Variants in HINT2 observed in about 807,000 individuals in gnomAD.
HINT2 encodes adenosine 5'-monophosphoramidase HINT2.
A neutral mutation model predicts 20.0 loss-of-function variants in HINT2; 17 were observed. The observed-to-expected ratio is 0.85, with a 90% CI of 0.58 to 1.27. The LOEUF (loss-of-function observed/expected upper bound fraction) is 1.27. Among genes scored for constraint, HINT2 ranks in the 50% most tolerant of loss-of-function variants. The pLI is 0.00. For synonymous variants in HINT2, 96 were observed against 84.2 expected (o/e 1.14, Z -0.77); for missense variants, 217 against 211.9 (o/e 1.02, Z -0.15).
At position 35,813,800 on chromosome 9, in the gene HINT2, C is replaced by T. The variant is rs781538171; in HGVS notation, c.82-16G>A. 1.2e-6 allele frequency: 2 copies of T among 1,603,524 alleles called. No homozygotes were observed. The highest frequency in any genetic ancestry group is 1.7e-6 in the Non-Finnish European group (2 of 1,173,506). ...CTCCTCGGACCTGAAGGTGGATCGACCATATTCAAAGGAGGGAGCTGGCAG... is the reference window on the plus strand; with the variant it reads ...CTCCTCGGACCTGAAGGTGGATCGATCATATTCAAAGGAGGGAGCTGGCAG... On this transcript the variant is annotated splice_polypyrimidine_tract_variant and intron_variant, in intron 1 of 4. Coordinates refer to ENST00000259667, the MANE Select transcript of HINT2 (RefSeq NM_032593.3).
intron 1 of HINT2, 89 bp from the exon 2 acceptor site, chr9:35,813,873 C>A: frequency 7.1e-7 from 1 of 1,413,212 alleles, no homozygotes; most frequent in South Asian, 1.4e-5. Flanking sequence ...ATAACCTATT[C>A]ATCGTTCCCA....
intron 2 of HINT2, 29 bp from the exon 3 acceptor site, chr9:35,813,578 G>A (rs202090966): frequency 1.7e-4 from 269 of 1,614,014 alleles, no homozygotes; most frequent in Middle Eastern, 1.2e-3. Flanking sequence ...CAGAGGCCAC[G>A]TTACTTCAAC....
rs931225472 is a variant in HINT2, at chr9:35,815,007, C to T, written c.-28G>A. ...TCCCTGAGCCGCGGGAACCTCTCAC[C>T]CGGGTCAGCACTCGGCTCCGCGGCC... On this transcript the variant is annotated 5_prime_UTR_variant, in exon 1 of 5. Coordinates refer to ENST00000259667, the MANE Select transcript of HINT2 (RefSeq NM_032593.3). 7.0e-6 allele frequency: 10 copies of T among 1,432,340 alleles called. No individual in the cohort carries two copies. The highest frequency in any genetic ancestry group is 9.1e-6 in the Non-Finnish European group (10 of 1,099,280). The allele number at this position is 1,432,340 out of a possible 1,614,324, so 88.7% of individuals were successfully genotyped here. A position where few individuals can be genotyped will look rare whatever the true frequency, so the allele number is the denominator to read the frequency against.
Position 35,813,758 on chromosome 9 carries a change from A to G in HINT2, c.108T>C (p.Asp36=), listed in dbSNP as rs1828931984. Residue 36 remains aspartate, a synonymous_variant, in exon 2 of 5, where the codon GAT becomes GAC. Coordinates refer to ENST00000259667, the MANE Select transcript of HINT2 (RefSeq NM_032593.3). ...GCTGGGCCTTGGCCACTTCATTCCCATCAGTCACACCTGCAGCTCCTCGGA... is the reference window on the plus strand; with the variant it reads ...GCTGGGCCTTGGCCACTTCATTCCCGTCAGTCACACCTGCAGCTCCTCGGA... ...GQVRGAAGVT[D]GNEVAKAQQA... 1 of 1,613,736 alleles carries G rather than the reference A, an allele frequency of 6.2e-7. No individual in the cohort carries two copies. The highest frequency in any genetic ancestry group is 1.7e-5 in the Admixed American group (1 of 59,970).
upstream of HINT2, chr9:35,815,208 C>T (rs1828990823): frequency 2.2e-6 from 1 of 464,272 alleles, no homozygotes; most frequent in South Asian, 3.8e-5. Context: ...GACAATTTTC[C>T]ATTCCATTGG....
chr9:35,813,406 G>C (rs1378736781), intron 3 of HINT2, 39 bp downstream of exon 3: 54 of 1,610,606 alleles, frequency 3.4e-5, no homozygotes, highest in Non-Finnish European at 4.5e-5. Context: ...CTGGGTCCAG[G>C]GGCTCCTCCC....
intron 4 of HINT2, 48 bp from the exon 5 acceptor site, chr9:35,813,193 A>C: frequency 6.2e-7 from 1 of 1,612,578 alleles, no homozygotes; most frequent in South Asian, 1.1e-5. Context: ...GCAGAGGTCG[A>C]AGAATGAAGA....
intron 3 of HINT2, 21 bp downstream of exon 3, chr9:35,813,424 C>T (rs769780693): frequency 3.7e-6 from 6 of 1,613,652 alleles, no homozygotes; most frequent in Admixed American, 1.7e-5. Flanking sequence ...CCCAGCCAAA[C>T]CCTGGCCCTG....
intron 1 of HINT2, chr9:35,814,096 C>A: frequency 3.5e-6 from 1 of 283,794 alleles, no homozygotes. Flanking sequence ...CTTACCATAC[C>A]ACTGAATTAC....
In HINT2 at chr9:35,813,434, G is replaced by A; in HGVS notation, c.327+11C>T. Reference sequence around the variant, plus strand: ...CTCCTCCCAGCCAAACCCTGGCCCTGTTCTTCCCACCTGCTGGTCTTCTTC... The same window carrying A: ...CTCCTCCCAGCCAAACCCTGGCCCTATTCTTCCCACCTGCTGGTCTTCTTC... On this transcript the variant is annotated intron_variant, in intron 3 of 4. Transcript: ENST00000259667. The A allele has an allele frequency of 6.2e-7, 1 of 1,613,974 alleles. No individual in the cohort carries two copies. The highest frequency in any genetic ancestry group is 2.2e-5 in the East Asian group (1 of 44,890).
intron 3 of HINT2, 29 bp from the exon 4 acceptor site, chr9:35,813,367 G>C (rs1828907202): frequency 6.2e-7 from 1 of 1,609,958 alleles, no homozygotes; most frequent in South Asian, 1.1e-5. Flanking sequence ...GACATAGGTG[G>C]CTTCATTCAT....
chr9:35,814,879 G>C lies in HINT2; in HGVS notation c.81+20C>G. On this transcript the variant is annotated intron_variant, in intron 1 of 4. Coordinates refer to ENST00000259667, the MANE Select transcript of HINT2 (RefSeq NM_032593.3). Reference sequence around the variant, plus strand: ...TCGGAGCCCGCAGGACCCCCTACTCGCTCCCGCGCCACTTCTCACCTGCCC... The same window carrying C: ...TCGGAGCCCGCAGGACCCCCTACTCCCTCCCGCGCCACTTCTCACCTGCCC... 1 of 1,485,104 alleles carries C rather than the reference G, an allele frequency of 6.7e-7. No individual in the cohort carries two copies. The highest frequency in any genetic ancestry group is 8.9e-7 in the Non-Finnish European group (1 of 1,124,732). 92.0% of individuals were successfully genotyped at this position (1,485,104 alleles called of 1,614,324 possible).
chr9:35,813,357 G>A lies in HINT2; in HGVS notation c.328-19C>T, dbSNP rs199869595. ...CTAGAAGCTATAGAGAGAGCGGAGG[G>A]ACATAGGTGGCTTCATTCATAGGGA... On this transcript the variant is annotated intron_variant, in intron 3 of 4. Coordinates refer to ENST00000259667, the MANE Select transcript of HINT2 (RefSeq NM_032593.3). 49 of 1,611,598 alleles carry A rather than the reference G, an allele frequency of 3.0e-5. 1 individual carries two copies. In the East Asian group the frequency reaches 9.4e-4, roughly 31 times the overall value.
At chr9:35,814,746 C>T in intron 1 of HINT2, 153 bp downstream of exon 1, 3 of 638,178 alleles carry the variant, frequency 4.7e-6, no homozygotes, top group Non-Finnish European at 7.4e-6. Context: ...GCCACCAGTT[C>T]GACCTCACCA....
rs985842085 is a variant in HINT2, at chr9:35,813,725, A to G, written c.141T>C (p.Thr47=). The change falls in exon 2 of 5, where the codon ACT becomes ACC. Residue 47 remains threonine, a synonymous_variant. Transcript: ENST00000259667. Reference sequence around the variant, plus strand: ...AGATGGTTGGGGCTGCTCCCCCAGGAGTTGCCTGCTGGGCCTTGGCCACTT... The same window carrying G: ...AGATGGTTGGGGCTGCTCCCCCAGGGGTTGCCTGCTGGGCCTTGGCCACTT... ...GNEVAKAQQA[T]PGGAAPTIFS... is the part of the protein sequence containing the mutation. The G allele has an allele frequency of 7.4e-6, 12 of 1,614,206 alleles. No homozygotes were observed. Among genetic ancestry groups the G allele is most frequent in the Non-Finnish European group, 9.3e-6 (11 of 1,180,032 alleles).
Position 35,813,252 on chromosome 9 carries a change from C to T in HINT2, c.400+14G>A, listed in dbSNP as rs189851811. The T allele has an allele frequency of 1.9e-6, 3 of 1,614,106 alleles. No homozygotes were observed. The African/African-American group carries it at 4.0e-5, about 22-fold the overall frequency. ...AATTCATAGGTGAGGGACCAAGGGC[C>T]AAAAGTCACTCACCAAGTCGGTATC... On this transcript the variant is annotated intron_variant, in intron 4 of 4. Transcript: ENST00000259667.
chr9:35,813,304 G>A lies in HINT2; in HGVS notation c.362C>T (p.Thr121Ile). 6.2e-7 allele frequency: 1 copy of A among 1,614,196 alleles called. No homozygotes were observed. Among genetic ancestry groups the A allele is most frequent in the Non-Finnish European group, 8.5e-7 (1 of 1,180,040 alleles). ...LGHLLLVAKQ[T>I]AKAEGLGDGY... ...ATCTCCCAGGCCCTCAGCCTTTGCT[G>A]TCTGCTTGGCCACAAGGAGTAGGTG... The change falls in exon 4 of 5, where the codon ACA (threonine) becomes ATA (isoleucine). Residue 121 changes from threonine (T) to isoleucine (I), a missense_variant. Transcript: ENST00000259667.
Position 35,813,397 on chromosome 9 carries a change from T to G in HINT2, c.327+48A>C. 1.9e-6 allele frequency: 3 copies of G among 1,610,524 alleles called. 1 individual carries two copies. The South Asian group carries it at 3.3e-5, about 18-fold the overall frequency. On this transcript the variant is annotated intron_variant, in intron 3 of 4. Coordinates refer to ENST00000259667, the MANE Select transcript of HINT2 (RefSeq NM_032593.3). ...ATTCATAGGGAGCAAGACCTCTAGC[T>G]GGGTCCAGGGGCTCCTCCCAGCCAA...
chr9:35,813,408 G>C, intron 3 of HINT2, 37 bp downstream of exon 3: 2 of 1,609,310 alleles, frequency 1.2e-6, no homozygotes, highest in Non-Finnish European at 1.7e-6. Flanking sequence ...GGGTCCAGGG[G>C]CTCCTCCCAG....
Sources: gnomAD v4.1 joint callset for allele counts on GRCh38, gnomAD v4.1.1 for gene constraint, MANE v1.5 for transcripts, NCBI Gene and HGNC (gene_info 2026-07-23, HGNC 2026-07-21) for gene names.